MRC1: variants seen among roughly 807,000 people sequenced by gnomAD.
MRC1 encodes the protein mannose receptor C-type 1, also known as macrophage mannose receptor 1.
In MRC1, 62 loss-of-function variants were observed where a neutral mutation model predicts 102.9. The ratio of observed to expected loss-of-function variants is 0.60; its 90% CI spans 0.49 to 0.74. The LOEUF (loss-of-function observed/expected upper bound fraction) is 0.74. Among genes scored for constraint, MRC1 ranks in the 30% least tolerant of loss-of-function variants. The pLI, the probability that MRC1 is intolerant of heterozygous loss-of-function variation, is 0.00. For missense variants in MRC1, 1,237 were observed against 862.8 expected, an observed-to-expected ratio of 1.43 and a Z score of -5.43; for synonymous variants, 457 against 298.4, an observed-to-expected ratio of 1.53 and a Z score of -5.48.
At chr10:17,819,226 A>G (rs1411266255) in intron 1 of MRC1, among the ~76,000 whole-genome samples, 2 of 152,206 alleles carry the variant, frequency 1.3e-5, no homozygotes, top group Non-Finnish European at 2.9e-5. Context: ...TAGGTGGCTC[A>G]GTGAAGACCA....
intron 9 of MRC1, among the ~76,000 whole-genome samples, chr10:17,860,895 A>G (rs1833175080): frequency 6.6e-6 from 1 of 152,148 alleles, no homozygotes; most frequent in Admixed American, 6.5e-5. Flanking sequence ...ATGATGTACT[A>G]CTGTTTCTTT....
rs1182826506 is a variant in MRC1, at chr10:17,823,378, A to T, written c.366A>T (p.Arg122Ser). The T allele has an allele frequency of 3.7e-5, 29 of 780,778 alleles. No individual in the cohort carries two copies. The highest frequency in any genetic ancestry group is 6.0e-5 in the Non-Finnish European group (25 of 417,972). 48.4% of individuals were successfully genotyped at this position (780,778 alleles called of 1,614,324 possible). Reference sequence around the variant, plus strand: ...ATTTATTTTTTAACTACGGCAACAGACAAGAAAAGAATATTATGCTCTACA... The same window carrying T: ...ATTTATTTTTTAACTACGGCAACAGTCAAGAAAAGAATATTATGCTCTACA... Reference protein sequence around the residue: ...GEDLFFNYGNRQEKNIMLYKG... With the variant: ...GEDLFFNYGNSQEKNIMLYKG... Residue 122 changes from arginine to serine, a missense_variant, in exon 2 of 30, where the codon AGA becomes AGT. Coordinates refer to ENST00000569591, the MANE Select transcript of MRC1 (RefSeq NM_002438.4).
chr10:17,855,087 C>G (rs1833062667), intron 8 of MRC1, among the ~76,000 whole-genome samples: 1 of 152,166 alleles, frequency 6.6e-6, no homozygotes, highest in Non-Finnish European at 1.5e-5. Context: ...GGGATAGAAT[C>G]TGAAATAAAG....
chr10:17,898,674 T>G (rs1373835783), intron 24 of MRC1, among the ~76,000 whole-genome samples: 1 of 152,244 alleles, frequency 6.6e-6, no homozygotes, highest in Non-Finnish European at 1.5e-5. Flanking sequence ...CAAGACGTTC[T>G]AGACTTGTTG....
At chr10:17,861,572 C>A in intron 10 of MRC1, 70 bp downstream of exon 10, 1 of 765,570 alleles carries the variant, frequency 1.3e-6, no homozygotes, top group South Asian at 1.4e-5. Context: ...GCCCAAGTAT[C>A]AACATGCTCT....
chr10:17,901,662 C>G (rs1269835696), intron 25 of MRC1, among the ~76,000 whole-genome samples: 1 of 151,448 alleles, frequency 6.6e-6, no homozygotes, highest in Non-Finnish European at 1.5e-5. Flanking sequence ...GTACTCCAGC[C>G]TGGGGGACAG....
At chr10:17,844,108 T>C (rs1378534674) in intron 5 of MRC1, among the ~76,000 whole-genome samples, 1 of 152,240 alleles carries the variant, frequency 6.6e-6, no homozygotes, top group Non-Finnish European at 1.5e-5. Context: ...AAGGCATAGC[T>C]GCTGAAAGTC....
rs1833914737 is a variant in MRC1 at position 17,907,724 on chromosome 10, G to A, written c.4078+26G>A. ...GTAAGTAAGAAGTTTGTTGCATGGT[G>A]CATATCACTGGCTGCCATTTCTTTC... On this transcript the variant is annotated intron_variant, in intron 28 of 29. Transcript: ENST00000569591. 6 of 780,208 alleles carry A rather than the reference G, an allele frequency of 7.7e-6. No individual in the cohort carries two copies. The African/African-American group carries it at 1.0e-4, about 13-fold the overall frequency. 48.3% of individuals were successfully genotyped at this position (780,208 alleles called of 1,614,324 possible).
intron 1 of MRC1, among the ~76,000 whole-genome samples, chr10:17,822,185 T>TA (rs1316312726): frequency 2.0e-5 from 3 of 152,196 alleles, no homozygotes; most frequent in Non-Finnish European, 4.4e-5. Context: ...ATTACAAATA[T>TA]AAAAAATGTT....
intron 9 of MRC1, among the ~76,000 whole-genome samples, chr10:17,859,413 G>T (rs964736897): frequency 6.6e-6 from 1 of 152,110 alleles, no homozygotes; most frequent in Admixed American, 6.5e-5. Context: ...TACCACATGG[G>T]TTCACACAAT....
chr10:17,858,324 G>C (rs1833125596), intron 9 of MRC1, among the ~76,000 whole-genome samples: 1 of 152,122 alleles, frequency 6.6e-6, no homozygotes. Flanking sequence ...TTTTGAAGTG[G>C]ATATGCTGGT....
chr10:17,896,238 A>G (rs1833753300), intron 23 of MRC1, among the ~76,000 whole-genome samples: 1 of 152,204 alleles, frequency 6.6e-6, no homozygotes, highest in Non-Finnish European at 1.5e-5. Flanking sequence ...TTTGGAAATC[A>G]GGGAACTAAT....
At chr10:17,887,004 T>C (rs1833606748) in intron 22 of MRC1, among the ~76,000 whole-genome samples, 1 of 152,166 alleles carries the variant, frequency 6.6e-6, no homozygotes, top group Non-Finnish European at 1.5e-5. Context: ...CTATTCAAAA[T>C]GGCATTTTTA....
intron 1 of MRC1, among the ~76,000 whole-genome samples, chr10:17,813,662 T>TACACACACAC (rs1189019911): frequency 1.4e-5 from 2 of 138,524 alleles, no homozygotes; most frequent in East Asian, 2.1e-4. Context: ...TATATATATA[T>TACACACACAC]ACACACACAC....
intron 5 of MRC1, among the ~76,000 whole-genome samples, chr10:17,842,259 T>C (rs1554839936): frequency 6.6e-6 from 1 of 152,194 alleles, no homozygotes; most frequent in African/African-American, 2.4e-5. Context: ...CCACTGCGCC[T>C]GGCGAAAATC....
intron 21 of MRC1, among the ~76,000 whole-genome samples, chr10:17,883,012 A>G (rs1833540423): frequency 6.6e-6 from 1 of 152,246 alleles, no homozygotes; most frequent in Non-Finnish European, 1.5e-5. Context: ...GTAGGCAGAA[A>G]AAAAGTGCTG....
intron 21 of MRC1, among the ~76,000 whole-genome samples, chr10:17,884,742 T>C (rs1311259478): frequency 6.6e-6 from 1 of 152,232 alleles, no homozygotes; most frequent in Non-Finnish European, 1.5e-5. Context: ...TACATGGGAA[T>C]TATTACAATT....
At chr10:17,861,610 G>T (rs888731282) in intron 10 of MRC1, 108 bp downstream of exon 10, 36 of 683,916 alleles carry the variant, frequency 5.3e-5, no homozygotes, top group South Asian at 1.7e-5. Context: ...TGATCTTGAG[G>T]TATGATTTGT....
chr10:17,891,833 C>T (rs1027557481), intron 22 of MRC1, among the ~76,000 whole-genome samples: 6,481 of 152,182 alleles, frequency 0.043, 235 homozygotes, highest in Admixed American at 0.12. Flanking sequence ...CACAGTTCTT[C>T]GGCTGTATCT....
Sources: gnomAD v4.1 joint callset for allele counts (sites outside exome capture counted in the v4.1 genomes callset) on GRCh38, gnomAD v4.1.1 for gene constraint, MANE v1.5 for transcripts, NCBI Gene and HGNC (gene_info 2026-07-23, HGNC 2026-07-21) for gene names.